TULP4: variants seen among roughly 807,000 people sequenced by gnomAD.
The protein encoded by TULP4 is tubby-related protein 4.
A neutral mutation model predicts 129.0 loss-of-function variants in TULP4; 16 were observed. The observed-to-expected ratio is 0.12, with a 90% confidence interval of 0.08 to 0.19. TULP4 has a LOEUF of 0.19. TULP4 is among the 10% of genes least tolerant of loss of function. The probability of loss-of-function intolerance (pLI) is 1.00; values close to 1 mark genes in which losing one functional copy is unlikely to be tolerated. For missense variants in TULP4, 1,842 were observed against 2,059.1 expected (o/e 0.89, Z 2.04); for synonymous variants, 998 against 854.0 (o/e 1.17, Z -2.94).
intron 3 of TULP4, among the ~76,000 whole-genome samples, chr6:158,438,953 C>A (rs991654024): frequency 1.3e-5 from 2 of 152,106 alleles, no homozygotes; most frequent in Non-Finnish European, 2.9e-5. Context: ...GGGGGAATCA[C>A]AAGGTCAGGA....
At chr6:158,415,278 G>A (rs755334963) in intron 2 of TULP4, among the ~76,000 whole-genome samples, 1 of 151,720 alleles carries the variant, frequency 6.6e-6, no homozygotes, top group African/African-American at 2.4e-5. Flanking sequence ...AGTCCATAAT[G>A]CTTGATAATA....
At chr6:158,441,468 G>A (rs1349306774) in intron 3 of TULP4, among the ~76,000 whole-genome samples, 1 of 152,132 alleles carries the variant, frequency 6.6e-6, no homozygotes, top group Non-Finnish European at 1.5e-5. Flanking sequence ...TGATGGCCTT[G>A]GTTTTGACAC....
At chr6:158,481,362 G>A (rs1239179223) in intron 8 of TULP4, 73 bp downstream of exon 8, 4 of 1,372,884 alleles carry the variant, frequency 2.9e-6, no homozygotes, top group Middle Eastern at 1.8e-4. Flanking sequence ...TACACCCCAT[G>A]CAAAGAGAAT....
intron 1 of TULP4, among the ~76,000 whole-genome samples, chr6:158,251,875 T>C (rs1481655658): frequency 6.6e-6 from 1 of 152,228 alleles, no homozygotes; most frequent in Non-Finnish European, 1.5e-5. Context: ...AAGCTTGATA[T>C]ACTGAGCTCA....
chr6:158,415,547 A>C (rs1212103105), intron 2 of TULP4, among the ~76,000 whole-genome samples: 2 of 148,302 alleles, frequency 1.3e-5, no homozygotes, highest in East Asian at 3.9e-4. Context: ...TTTTTAGTAG[A>C]GATGGGGTTT....
In TULP4 at chr6:158,253,931, G is replaced by A. The variant is rs1394693212; in HGVS notation, n.68+21628G>A. 2.0e-5 allele frequency among the ~76,000 whole-genome samples: 3 copies of A among 152,150 alleles called. No homozygotes were observed. In the East Asian group the frequency reaches 5.8e-4, roughly 30 times the overall value. ...CAGGCACCTGTAATCAGAGCTACTC[G>A]GAAGGCTGAGGCAGGGAGAATTGCT... On this transcript the variant is annotated intron_variant and non_coding_transcript_variant, in intron 1 of 1. Coordinates refer to the TULP4 transcript ENST00000620026.
At chr6:158,357,421 T>A (rs1198514449) in intron 1 of TULP4, among the ~76,000 whole-genome samples, 1 of 152,216 alleles carries the variant, frequency 6.6e-6, no homozygotes, top group African/African-American at 2.4e-5. Flanking sequence ...TCACTTCTGG[T>A]TGGAGGACCA....
intron 1 of TULP4, among the ~76,000 whole-genome samples, chr6:158,332,521 C>G (rs1446563613): frequency 6.6e-6 from 1 of 152,016 alleles, no homozygotes; most frequent in Non-Finnish European, 1.5e-5. Flanking sequence ...ATGGCCCATG[C>G]AGGGGATGGG....
chr6:158,437,700 C>A (rs1478791953), intron 3 of TULP4: 1 of 152,178 alleles, frequency 6.6e-6, no homozygotes, highest in Admixed American at 6.5e-5. Context: ...AAGAATAATT[C>A]ATTCACTTTT....
intron 1 of TULP4, among the ~76,000 whole-genome samples, chr6:158,379,484 G>A (rs975451199): frequency 2.0e-5 from 3 of 152,228 alleles, no homozygotes; most frequent in Admixed American, 6.5e-5. Flanking sequence ...ACCTGGGCAT[G>A]TCCACAACGA....
At chr6:158,479,103 C>T (rs1779881538) in intron 6 of TULP4, among the ~76,000 whole-genome samples, 1 of 152,180 alleles carries the variant, frequency 6.6e-6, no homozygotes, top group Non-Finnish European at 1.5e-5. Flanking sequence ...GGATAGTCCC[C>T]AGGTCACACA....
intron 1 of TULP4, among the ~76,000 whole-genome samples, chr6:158,301,492 C>A (rs143807885): frequency 5.5e-4 from 83 of 151,920 alleles, no homozygotes; most frequent in Non-Finnish European, 4.0e-4. Flanking sequence ...GCCTGAACTT[C>A]GAGTTGATTT....
At chr6:158,278,628 GT>G (rs2128465251), upstream of TULP4, among the ~76,000 whole-genome samples, 1 of 152,294 alleles carries the variant, frequency 6.6e-6, no homozygotes, top group South Asian at 2.1e-4. Context: ...GAGAAGAACA[GT>G]TGCTCTGATA....
chr6:158,250,794 C>G (rs1394107411), intron 1 of TULP4, among the ~76,000 whole-genome samples: 10 of 152,146 alleles, frequency 6.6e-5, no homozygotes, highest in Non-Finnish European at 2.9e-5. Flanking sequence ...TGTGATTTTA[C>G]TAATAGGGAA....
intron 1 of TULP4, among the ~76,000 whole-genome samples, chr6:158,306,253 G>A (rs1032345350): frequency 3.3e-5 from 5 of 152,228 alleles, no homozygotes. Flanking sequence ...TAATAAAATA[G>A]TTATTTAAGA....
At chr6:158,439,777 T>TCTCGG in intron 3 of TULP4, among the ~76,000 whole-genome samples, 1 of 132,746 alleles carries the variant, frequency 7.5e-6, no homozygotes, top group East Asian at 2.5e-4. Context: ...AGTGGTGCGA[T>TCTCGG]CTCGGCTCAC....
At chr6:158,487,491 C>G (rs1422939385) in intron 8 of TULP4, among the ~76,000 whole-genome samples, 1 of 152,284 alleles carries the variant, frequency 6.6e-6, no homozygotes, top group East Asian at 1.9e-4. Context: ...TTAGCAGATT[C>G]TTGAAAACTG....
intron 3 of TULP4, among the ~76,000 whole-genome samples, chr6:158,435,152 C>G (rs1176978963): frequency 6.6e-6 from 1 of 152,226 alleles, no homozygotes; most frequent in East Asian, 1.9e-4. Flanking sequence ...CATCTTAAGA[C>G]AATTTCAAGG....
chr6:158,309,876 G>C (rs1026683317), upstream of TULP4, among the ~76,000 whole-genome samples: 2 of 141,928 alleles, frequency 1.4e-5, no homozygotes, highest in African/African-American at 5.1e-5. Context: ...GAGGGAGACC[G>C]TGGGAAGAGA....
Sources: allele counts gnomAD v4.1 joint callset (sites outside exome capture counted in the v4.1 genomes callset), GRCh38; gene constraint gnomAD v4.1.1; transcripts MANE v1.5; gene names NCBI Gene and HGNC (gene_info 2026-07-23, HGNC 2026-07-21).